Variants in DPYS observed in about 807,000 individuals in gnomAD.
DPYS encodes the protein dihydropyrimidine amidohydrolase.
Under a neutral mutation model 50.3 loss-of-function variants are expected in DPYS, and 39 were observed. The observed-to-expected ratio is 0.78, with a 90% CI of 0.60 to 1.01. The LOEUF is 1.01. Ranked by LOEUF, DPYS falls within the 50% of genes least tolerant of loss-of-function variation. The pLI, the probability that DPYS is intolerant of heterozygous loss-of-function variation, is 0.00. For missense variants in DPYS, 659 were observed against 680.9 expected (o/e 0.97, Z 0.36); for synonymous variants, 245 against 250.7 (o/e 0.98, Z 0.22).
At chr8:104,414,822 G>A (rs1317217650) in intron 7 of DPYS, among the ~76,000 whole-genome samples, 4 of 152,212 alleles carry the variant, frequency 2.6e-5, no homozygotes. Flanking sequence ...AATTAGAGAT[G>A]AGTCTGAGTC....
At chr8:104,407,157 AC>A (rs1360593081) in intron 7 of DPYS, among the ~76,000 whole-genome samples, 5 of 152,170 alleles carry the variant, frequency 3.3e-5, no homozygotes, top group Non-Finnish European at 5.9e-5. Flanking sequence ...ATTTTATTTA[AC>A]CCTATGGAAG....
intron 7 of DPYS, among the ~76,000 whole-genome samples, chr8:104,394,252 G>T (rs889298061): frequency 6.6e-6 from 1 of 152,174 alleles, no homozygotes; most frequent in African/African-American, 2.4e-5. Context: ...GGAAGCCCCC[G>T]CTGCTGTGTG....
intron 7 of DPYS, among the ~76,000 whole-genome samples, chr8:104,416,449 C>T (rs900783415): frequency 6.6e-6 from 1 of 152,234 alleles, no homozygotes; most frequent in Non-Finnish European, 1.5e-5. Flanking sequence ...CAAGACATCA[C>T]AGTGACAAAT....
At chr8:104,428,234 A>G (rs2246815) in intron 5 of DPYS, 113 bp from the exon 6 acceptor site, 971,378 of 1,434,710 alleles carry the variant, frequency 0.68, 332,491 homozygotes, top group Non-Finnish European at 0.7. Context: ...AGTCAGAAAA[A>G]TCCAATGGAG....
At chr8:104,436,773 T>A (rs2140675230) in intron 4 of DPYS, among the ~76,000 whole-genome samples, 1 of 152,222 alleles carries the variant, frequency 6.6e-6, no homozygotes, top group South Asian at 2.1e-4. Flanking sequence ...GGCAGAAGGA[T>A]CACTTGAGCC....
intron 1 of DPYS, 67 bp from the exon 2 acceptor site, chr8:104,451,471 A>G: frequency 3.7e-6 from 6 of 1,601,106 alleles, no homozygotes; most frequent in Non-Finnish European, 5.1e-6. Flanking sequence ...TATCATCTTG[A>G]ACAATGTGCA....
intron 7 of DPYS, among the ~76,000 whole-genome samples, chr8:104,401,288 G>GTATTAT (rs34804847): frequency 0.013 from 1,833 of 143,008 alleles, 28 homozygotes; most frequent in African/African-American, 0.027. Flanking sequence ...TATGAGGTAG[G>GTATTAT]TATTATTATT....
intron 7 of DPYS, among the ~76,000 whole-genome samples, chr8:104,416,190 C>G (rs1051125590): frequency 6.6e-6 from 1 of 152,200 alleles, no homozygotes; most frequent in Non-Finnish European, 1.5e-5. Flanking sequence ...TGCTCCCCCC[C>G]AATAGCCCAG....
At chr8:104,434,418 C>T (rs1265446752) in intron 4 of DPYS, among the ~76,000 whole-genome samples, 2 of 152,158 alleles carry the variant, frequency 1.3e-5, no homozygotes, top group Non-Finnish European at 2.9e-5. Context: ...CCCTCCCTTC[C>T]CCGCATGGCC....
At position 104,392,536 on chromosome 8, in the gene DPYS, C is replaced by T. The variant is rs145315343; in HGVS notation, c.1443+248G>A. 9.2e-3 allele frequency among the ~76,000 whole-genome samples: 1,395 copies of T among 152,296 alleles called. 26 individuals carry two copies. The highest frequency in any genetic ancestry group is 0.029 in the African/African-American group (1,224 of 41,568). On this transcript the variant is annotated intron_variant, in intron 8 of 9. Transcript: ENST00000351513. The stretch of plus-strand genomic sequence containing the variant: ...CTAACACAATTGCCAAAAGCCCCCA[C>T]CAGATTACCCCACAATCTGGAAATC...
At chr8:104,390,128 C>T (rs1418952891) in intron 8 of DPYS, among the ~76,000 whole-genome samples, 1 of 152,176 alleles carries the variant, frequency 6.6e-6, no homozygotes, top group East Asian at 1.9e-4. Context: ...CAAGATTGGC[C>T]CTACCTTGGA....
chr8:104,406,824 A>G (rs1044468287), intron 7 of DPYS, among the ~76,000 whole-genome samples: 4 of 151,840 alleles, frequency 2.6e-5, no homozygotes, highest in Non-Finnish European at 5.9e-5. Context: ...CATATGTATA[A>G]ACACACACAC....
intron 3 of DPYS, among the ~76,000 whole-genome samples, chr8:104,445,625 G>C (rs1399342388): frequency 5.3e-5 from 8 of 152,086 alleles, no homozygotes; most frequent in Non-Finnish European, 1.0e-4. Flanking sequence ...GGCTGGGAAG[G>C]TTAGTGGGGA....
At chr8:104,437,738 T>C (rs939692146) in intron 4 of DPYS, among the ~76,000 whole-genome samples, 1 of 152,196 alleles carries the variant, frequency 6.6e-6, no homozygotes, top group South Asian at 2.1e-4. Flanking sequence ...TTCACTGTAC[T>C]TTATGGACTC....
chr8:104,459,650 T>C (rs1323879352), intron 1 of DPYS, among the ~76,000 whole-genome samples: 3 of 152,190 alleles, frequency 2.0e-5, no homozygotes, highest in Admixed American at 6.5e-5. Context: ...TTTTTGTTTG[T>C]TTGTTTTTGT....
Position 104,394,550 on chromosome 8 carries a change from G to A in DPYS, c.1236-1559C>T, listed in dbSNP as rs554841463. Among the ~76,000 whole-genome samples, 157 of 151,716 alleles carry A rather than the reference G, an allele frequency of 1.0e-3. 1 individual carries two copies. Among genetic ancestry groups the A allele is most frequent in the African/African-American group, 3.4e-3 (142 of 41,302 alleles). On this transcript the variant is annotated intron_variant, in intron 7 of 9. Transcript: ENST00000351513. The stretch of plus-strand genomic sequence containing the variant: ...CATGGCTCCCACTGGAGTCTATACC[G>A]TCATCTCTCACCTGGACAACCCCAA...
chr8:104,453,020 C>T (rs574110284), intron 1 of DPYS, among the ~76,000 whole-genome samples: 4 of 152,232 alleles, frequency 2.6e-5, no homozygotes, highest in South Asian at 4.1e-4. Context: ...GTGCCTCAGT[C>T]TCTCTTTCCG....
At chr8:104,403,104 G>A (rs1169452153) in intron 7 of DPYS, among the ~76,000 whole-genome samples, 1 of 152,094 alleles carries the variant, frequency 6.6e-6, no homozygotes, top group Non-Finnish European at 1.5e-5. Flanking sequence ...CTTCTGGTCC[G>A]TGTTTGTTGC....
chr8:104,433,012 C>T (rs1020478618), intron 4 of DPYS, among the ~76,000 whole-genome samples: 1 of 152,168 alleles, frequency 6.6e-6, no homozygotes, highest in Non-Finnish European at 1.5e-5. Context: ...TTCAATAACA[C>T]TGTGGTTCTT....
Sources: gnomAD v4.1 joint callset for allele counts (sites outside exome capture counted in the v4.1 genomes callset) on GRCh38, gnomAD v4.1.1 for gene constraint, MANE v1.5 for transcripts, NCBI Gene and HGNC (gene_info 2026-07-23, HGNC 2026-07-21) for gene names.